MIB1: variants seen among roughly 807,000 people sequenced by gnomAD.
MIB1 encodes the protein E3 ubiquitin-protein ligase MIB1.
In MIB1, 278 loss-of-function variants were observed where a neutral mutation model predicts 124.5. The ratio of observed to expected loss-of-function variants is 2.23; its 90% confidence interval spans 2.02 to 2.47. The LOEUF is 2.47. MIB1 is among the 30% of genes most tolerant of loss of function. The pLI is 0.00. For missense variants in MIB1, 957 were observed against 1,254.4 expected (o/e 0.76, Z 3.58); for synonymous variants, 446 against 429.4 (o/e 1.04, Z -0.48).
At chr18:21,851,524 C>T (rs2042179993) in intron 17 of MIB1, among the ~76,000 whole-genome samples, 1 of 151,946 alleles carries the variant, frequency 6.6e-6, no homozygotes, top group African/African-American at 2.4e-5. Context: ...GAAATAGTGA[C>T]CCCAAGTGGT....
At chr18:21,828,075 G>T (rs117420463) in intron 12 of MIB1, 1 of 151,950 alleles carries the variant, frequency 6.6e-6, no homozygotes, top group Non-Finnish European at 1.5e-5. Flanking sequence ...TGAAATAAAA[G>T]TATTTTGATA....
At chr18:21,708,019 A>G (rs753704158) in intron 1 of MIB1, among the ~76,000 whole-genome samples, 26 of 152,086 alleles carry the variant, frequency 1.7e-4, no homozygotes, top group Admixed American at 8.5e-4. Context: ...AGAGGCACCA[A>G]TTCCATCATA....
chr18:21,813,152 A>T (rs1303159507), intron 10 of MIB1, among the ~76,000 whole-genome samples: 4 of 151,850 alleles, frequency 2.6e-5, no homozygotes, highest in African/African-American at 9.7e-5. Flanking sequence ...TCTAACAACC[A>T]TACAGTGTTA....
chr18:21,779,387 A>G, intron 5 of MIB1, 94 bp from the exon 6 acceptor site: 1 of 998,162 alleles, frequency 1.0e-6, no homozygotes, highest in Non-Finnish European at 1.6e-6. Context: ...TGGTACCTGA[A>G]ACTAAAATAT....
chr18:21,864,822 C>G lies in MIB1; in HGVS notation c.*156C>G, dbSNP rs1213855394. 2.1e-6 allele frequency: 1 copy of G among 474,820 alleles called. No homozygotes were observed. Among genetic ancestry groups the G allele is most frequent in the Non-Finnish European group, 3.6e-6 (1 of 277,604 alleles). The allele number at this position is 474,820 out of a possible 1,614,324, so 29.4% of individuals were successfully genotyped here. Reference sequence around the variant, plus strand: ...TGTAAATGTACCAGAACAAAAAACCCTACAAAATGGTGTTGGAAATTGTGT... The same window carrying G: ...TGTAAATGTACCAGAACAAAAAACCGTACAAAATGGTGTTGGAAATTGTGT... On this transcript the variant is annotated 3_prime_UTR_variant, in exon 21 of 21. Coordinates refer to ENST00000261537, the MANE Select transcript of MIB1 (RefSeq NM_020774.4).
intron 3 of MIB1, among the ~76,000 whole-genome samples, chr18:21,769,056 T>G (rs1197648565): frequency 6.6e-6 from 1 of 152,208 alleles, no homozygotes; most frequent in Non-Finnish European, 1.5e-5. Flanking sequence ...CAGTATCTCA[T>G]GTCCTCAACT....
chr18:21,798,248 T>C lies in MIB1; in HGVS notation c.1237+20T>C. On this transcript the variant is annotated intron_variant, in intron 8 of 20. Transcript: ENST00000261537. ...CTGGTGGTATGTTTTATATTGTGTT[T>C]CTTTAAGAGTAATGTGGTTTACATT... The C allele has an allele frequency of 6.2e-7, 1 of 1,611,180 alleles. No individual in the cohort carries two copies. The highest frequency in any genetic ancestry group is 8.5e-7 in the Non-Finnish European group (1 of 1,177,962).
chr18:21,829,186 T>C (rs1186969802), intron 12 of MIB1: 2 of 364,252 alleles, frequency 5.5e-6, no homozygotes, highest in African/African-American at 2.3e-5. Context: ...GTAAATCATT[T>C]GCAGAGACTA....
intron 6 of MIB1, among the ~76,000 whole-genome samples, chr18:21,783,257 T>C (rs3017052): frequency 6.6e-6 from 1 of 151,838 alleles, no homozygotes; most frequent in South Asian, 2.1e-4. Context: ...TTTTTTTTTT[T>C]CTTGAGATGG....
intron 6 of MIB1, among the ~76,000 whole-genome samples, chr18:21,784,427 G>GT (rs2041409969): frequency 6.6e-6 from 1 of 152,130 alleles, no homozygotes; most frequent in Non-Finnish European, 1.5e-5. Context: ...CATCTTATAT[G>GT]TGGACGGCAA....
chr18:21,841,523 TTAC>T (rs894808507), intron 13 of MIB1, among the ~76,000 whole-genome samples: 1 of 152,152 alleles, frequency 6.6e-6, no homozygotes, highest in Non-Finnish European at 1.5e-5. Flanking sequence ...CCACAACCAG[TTAC>T]TACAATTGCC....
chr18:21,864,485 A>G (rs1367267740), intron 20 of MIB1, 41 bp from the exon 21 acceptor site: 6 of 1,487,374 alleles, frequency 4.0e-6, no homozygotes, highest in Non-Finnish European at 5.6e-6. Context: ...CTTTCCAAAT[A>G]TAAAGTGTCT....
intron 1 of MIB1, among the ~76,000 whole-genome samples, chr18:21,731,566 T>C (rs2040770187): frequency 6.6e-6 from 1 of 151,780 alleles, no homozygotes; most frequent in Non-Finnish European, 1.5e-5. Flanking sequence ...ACCCCGTCTC[T>C]ACTATAAATA....
chr18:21,855,346 T>C (rs2042217158), intron 18 of MIB1, among the ~76,000 whole-genome samples: 2 of 152,144 alleles, frequency 1.3e-5, no homozygotes, highest in African/African-American at 4.8e-5. Flanking sequence ...TACATCCCTT[T>C]TGGAGGTGCT....
At position 21,741,763 on chromosome 18, in the gene MIB1, C is replaced by G. The variant is rs141633387; in HGVS notation, c.180C>G (p.Tyr60Ter). 1.2e-5 allele frequency: 19 copies of G among 1,610,014 alleles called. No individual in the cohort carries two copies. The highest frequency in any genetic ancestry group is 2.2e-5 in the East Asian group (1 of 44,734). ...VVWDNGTAAN[Y>*]RCSGAYDLRI... ...GGGACAACGGCACAGCTGCCAACTA[C>G]CGCTGCTCCGGGGCTTACGACCTCC... Residue 60 changes from tyrosine (Y) to a stop codon, truncating the protein, a stop_gained, in exon 1 of 21, where the codon TAC becomes TAG. Coordinates refer to ENST00000261537, the MANE Select transcript of MIB1 (RefSeq NM_020774.4). LOFTEE classifies it high-confidence loss of function. The surrounding 1 kb of genome is among the most constrained non-coding windows in gnomAD (Gnocchi z 5.4).
Position 21,778,145 on chromosome 18 carries a change from T to G in MIB1, c.679T>G (p.Tyr227Asp). Reference protein sequence around the residue: ...CVQDAKGGSFYRDHCPVLGEQ... With the variant: ...CVQDAKGGSFDRDHCPVLGEQ... ...CCAGGATGCCAAGGGAGGTTCTTTCTACAGAGATCACTGCCCTGTGCTAGG... is the reference window on the plus strand; with the variant it reads ...CCAGGATGCCAAGGGAGGTTCTTTCGACAGAGATCACTGCCCTGTGCTAGG... The change falls in exon 5 of 21, where the codon TAC becomes GAC. Residue 227 changes from tyrosine to aspartate, a missense_variant. Transcript: ENST00000261537. 6.2e-7 allele frequency: 1 copy of G among 1,611,408 alleles called. No individual in the cohort carries two copies. Among genetic ancestry groups the G allele is most frequent in the Non-Finnish European group, 8.5e-7 (1 of 1,177,856 alleles).
At chr18:21,735,334 G>A (rs1053762383) in intron 1 of MIB1, among the ~76,000 whole-genome samples, 3 of 152,158 alleles carry the variant, frequency 2.0e-5, no homozygotes, top group African/African-American at 7.2e-5. Flanking sequence ...GGGTACTCCG[G>A]ATCAGATACT....
chr18:21,814,026 A>G (rs1039392572), intron 10 of MIB1, among the ~76,000 whole-genome samples: 2 of 152,202 alleles, frequency 1.3e-5, no homozygotes, highest in African/African-American at 2.4e-5. Flanking sequence ...GGTATAAGCT[A>G]TGTATACTAC....
At chr18:21,745,834 G>A (rs1444314326) in intron 1 of MIB1, among the ~76,000 whole-genome samples, 4 of 152,050 alleles carry the variant, frequency 2.6e-5, no homozygotes, top group African/African-American at 4.8e-5. Context: ...ATCCTCCTGA[G>A]TAGCTGGAAT....
Sources: gnomAD v4.1 joint callset for allele counts (sites outside exome capture counted in the v4.1 genomes callset) on GRCh38, gnomAD v4.1.1 for gene constraint, Gnocchi (gnomAD v3.1) non-coding constraint, MANE v1.5 for transcripts, NCBI Gene and HGNC (gene_info 2026-07-23, HGNC 2026-07-21) for gene names.